Variants in ZCCHC2 observed in about 807,000 individuals in gnomAD.
The protein encoded by ZCCHC2 is zinc finger CCHC-type containing 2.
A neutral mutation model predicts 103.6 loss-of-function variants in ZCCHC2; 39 were observed. The ratio of observed to expected loss-of-function variants is 0.38; its 90% CI spans 0.29 to 0.49. The LOEUF (loss-of-function observed/expected upper bound fraction) is 0.49, where lower values mean the gene tolerates loss of function less well. ZCCHC2 is among the 20% of genes least tolerant of loss of function. The pLI, the probability that ZCCHC2 is intolerant of heterozygous loss-of-function variation, is 0.96. For missense variants in ZCCHC2, 1,483 were observed against 1,491.0 expected (o/e 0.99, Z 0.09); for synonymous variants, 687 against 608.9 (o/e 1.13, Z -1.89).
At chr18:62,562,945 T>C (rs2145521507) in intron 8 of ZCCHC2, 64 bp from the exon 9 acceptor site, 1 of 1,535,374 alleles carries the variant, frequency 6.5e-7, no homozygotes, top group South Asian at 1.2e-5. Context: ...AACTTCTTTG[T>C]TGAAATGAAA....
intron 4 of ZCCHC2, among the ~76,000 whole-genome samples, chr18:62,549,739 A>G (rs923854529): frequency 3.9e-5 from 6 of 152,208 alleles, no homozygotes; most frequent in Non-Finnish European, 5.9e-5. Context: ...TGTGGTTTCT[A>G]GCACATTGCT....
At chr18:62,570,904 C>T (rs879799360) in intron 12 of ZCCHC2, among the ~76,000 whole-genome samples, 1 of 152,168 alleles carries the variant, frequency 6.6e-6, no homozygotes, top group South Asian at 2.1e-4. Context: ...TTCCTCGTTG[C>T]ACAGAGGCTT....
At chr18:62,578,845 C>A (rs752415371), downstream of ZCCHC2, among the ~76,000 whole-genome samples, 6 of 152,150 alleles carry the variant, frequency 3.9e-5, no homozygotes, top group Non-Finnish European at 8.8e-5. Context: ...CAGCTCCCTG[C>A]AACCTCTGCC....
rs193168444 is a variant in ZCCHC2, at chr18:62,523,155, C to A, written c.-270C>A. The A allele has an allele frequency of 6.5e-6, 1 of 153,612 alleles. No homozygotes were observed. Among genetic ancestry groups the A allele is most frequent in the African/African-American group, 2.4e-5 (1 of 41,568 alleles). The allele number at this position is 153,612 out of a possible 1,614,324, so 9.5% of individuals were successfully genotyped here. A position where few individuals can be genotyped will look rare whatever the true frequency, so the allele number is the denominator to read the frequency against. ...ACACCCTCGCTCGCTTGCTCCCACCCGCACCCGGGCTCCCAGAACCGGCGA... is the reference window on the plus strand; with the variant it reads ...ACACCCTCGCTCGCTTGCTCCCACCAGCACCCGGGCTCCCAGAACCGGCGA... On this transcript the variant is annotated 5_prime_UTR_variant, in exon 1 of 14. Transcript: ENST00000269499.
chr18:62,582,950 A>G (rs1917075909), downstream of ZCCHC2, among the ~76,000 whole-genome samples: 1 of 152,080 alleles, frequency 6.6e-6, no homozygotes, highest in African/African-American at 2.4e-5. Context: ...CAAAAAATAC[A>G]AAAATTAGCT....
At chr18:62,561,474 G>C (rs996104920) in intron 8 of ZCCHC2, among the ~76,000 whole-genome samples, 1 of 152,184 alleles carries the variant, frequency 6.6e-6, no homozygotes, top group Non-Finnish European at 1.5e-5. Flanking sequence ...GACTTTCCAT[G>C]TTCCGCCTTA....
Position 62,546,073 on chromosome 18 carries a change from C to T in ZCCHC2, c.1200+1200C>T, listed in dbSNP as rs546213091. ...GTCAGTTAAGGGCTGAGGACTTCTC[C>T]TCCCACTCATTAGTGACCTGCCTTG... On this transcript the variant is annotated intron_variant, in intron 4 of 13. Transcript: ENST00000269499. 3.9e-5 allele frequency among the ~76,000 whole-genome samples: 6 copies of T among 152,278 alleles called. No homozygotes were observed. The East Asian group carries it at 9.6e-4, about 24-fold the overall frequency.
intron 6 of ZCCHC2, among the ~76,000 whole-genome samples, chr18:62,556,811 T>C (rs1383168585): frequency 6.6e-6 from 1 of 152,198 alleles, no homozygotes; most frequent in Non-Finnish European, 1.5e-5. Context: ...CTTTCTTTCA[T>C]GCACGGACTA....
intron 11 of ZCCHC2, among the ~76,000 whole-genome samples, chr18:62,566,589 C>T (rs568759966): frequency 6.6e-6 from 1 of 152,330 alleles, no homozygotes; most frequent in African/African-American, 2.4e-5. Flanking sequence ...TCCACAAGCT[C>T]ACTCTGTCTC....
intron 1 of ZCCHC2, among the ~76,000 whole-genome samples, chr18:62,535,633 T>A (rs918657258): frequency 1.3e-5 from 2 of 152,188 alleles, no homozygotes; most frequent in Non-Finnish European, 2.9e-5. Flanking sequence ...ATGTCTCATG[T>A]GGTGTCTCAG....
Position 62,524,163 on chromosome 18 carries a change from G to A in ZCCHC2, c.739G>A (p.Val247Ile), listed in dbSNP as rs1914223966. Residue 247 changes from valine to isoleucine, a missense_variant, in exon 1 of 14, where the codon GTC becomes ATC. Transcript: ENST00000269499. Reference protein sequence around the residue: ...GPEGGIVEPRVGGGLGSRAQE... With the variant: ...GPEGGIVEPRIGGGLGSRAQE... Reference sequence around the variant, plus strand: ...GGAAGGCGGCATTGTGGAGCCCCGGGTCGGCGGCGGGCTTGGCTCCAGGGC... The same window carrying A: ...GGAAGGCGGCATTGTGGAGCCCCGGATCGGCGGCGGGCTTGGCTCCAGGGC... 6.5e-7 allele frequency: 1 copy of A among 1,546,744 alleles called. No homozygotes were observed. Among genetic ancestry groups the A allele is most frequent in the Admixed American group, 2.0e-5 (1 of 50,874 alleles).
intron 14 of ZCCHC2, among the ~76,000 whole-genome samples, chr18:62,583,991 G>T (rs1485610235): frequency 1.3e-5 from 2 of 152,086 alleles, no homozygotes; most frequent in Non-Finnish European, 2.9e-5. Context: ...GCTCATTAAC[G>T]TATTGGCTTG....
intron 11 of ZCCHC2, among the ~76,000 whole-genome samples, chr18:62,566,605 TCA>T (rs1431630428): frequency 6.6e-6 from 1 of 152,230 alleles, no homozygotes; most frequent in African/African-American, 2.4e-5. Context: ...GTCTCTTGTC[TCA>T]CAGTGTTTGG....
chr18:62,531,479 TC>T (rs1914668148), intron 1 of ZCCHC2, among the ~76,000 whole-genome samples: 1 of 152,202 alleles, frequency 6.6e-6, no homozygotes, highest in South Asian at 2.1e-4. Flanking sequence ...TATTTGGTCT[TC>T]CCAAAGTCCA....
Position 62,574,321 on chromosome 18 carries a change from C to G in ZCCHC2, c.2240C>G (p.Thr747Ser), listed in dbSNP as rs1215544414. ...VPAPKPADGK[T>S]IGMLVPSPVA... ...GCACCCAAACCCGCTGATGGCAAAACCATAGGGATGCTTGTTCCTAGTCCT... is the reference window on the plus strand; with the variant it reads ...GCACCCAAACCCGCTGATGGCAAAAGCATAGGGATGCTTGTTCCTAGTCCT... Residue 747 changes from threonine (T) to serine (S), a missense_variant, in exon 13 of 14, where the codon ACC becomes AGC. Transcript: ENST00000269499. The G allele has an allele frequency of 6.2e-7, 1 of 1,613,920 alleles. No individual in the cohort carries two copies. Among genetic ancestry groups the G allele is most frequent in the Non-Finnish European group, 8.5e-7 (1 of 1,179,912 alleles).
At chr18:62,559,479 G>A (rs1269242471) in intron 7 of ZCCHC2, among the ~76,000 whole-genome samples, 1 of 152,228 alleles carries the variant, frequency 6.6e-6, no homozygotes, top group African/African-American at 2.4e-5. Flanking sequence ...ACATTTTGGA[G>A]TCTGACATCA....
At position 62,574,138 on chromosome 18, in the gene ZCCHC2, C is replaced by T. The variant is rs202143076; in HGVS notation, c.2057C>T (p.Thr686Ile). Residue 686 changes from threonine to isoleucine, a missense_variant, in exon 13 of 14, where the codon ACT becomes ATT. Thr to Ile is a moderately conservative substitution (Grantham distance 89). Coordinates refer to ENST00000269499, the MANE Select transcript of ZCCHC2 (RefSeq NM_017742.6). ...TGYGSVNQTV[T>I]VKPPVQIASL... ...TACGGTTCTGTCAACCAGACTGTCACTGTCAAGCCACCTGTTCAAATTGCT... is the reference window on the plus strand; with the variant it reads ...TACGGTTCTGTCAACCAGACTGTCATTGTCAAGCCACCTGTTCAAATTGCT... 1 of 1,614,032 alleles carries T rather than the reference C, an allele frequency of 6.2e-7. No homozygotes were observed. The highest frequency in any genetic ancestry group is 8.5e-7 in the Non-Finnish European group (1 of 1,179,884).
chr18:62,558,796 T>C, intron 7 of ZCCHC2, 26 bp downstream of exon 7: 1 of 1,434,220 alleles, frequency 7.0e-7, no homozygotes. Flanking sequence ...CTAGAGTAAA[T>C]CATTCTGCCT....
intron 1 of ZCCHC2, chr18:62,526,195 G>T (rs1277168906): frequency 1.3e-5 from 2 of 152,208 alleles, no homozygotes; most frequent in Non-Finnish European, 2.9e-5. Context: ...ACCGCAATGC[G>T]TGACCTTTTC....
Sources: allele counts gnomAD v4.1 joint callset (sites outside exome capture counted in the v4.1 genomes callset), GRCh38; gene constraint gnomAD v4.1.1; transcripts MANE v1.5; gene names NCBI Gene and HGNC (gene_info 2026-07-23, HGNC 2026-07-21).